The following PAPPA variants were observed in gnomAD, a reference collection of about 807,000 sequenced individuals.
PAPPA encodes the protein pappalysin-1.
In PAPPA, 60 loss-of-function variants were observed where a neutral mutation model predicts 164.0. The ratio of observed to expected loss-of-function variants is 0.37; its 90% CI spans 0.30 to 0.45. PAPPA has a LOEUF of 0.45. Among genes scored for constraint, PAPPA ranks in the 20% least tolerant of loss-of-function variants. The pLI is 1.00. For missense variants in PAPPA, 1,782 were observed against 2,087.3 expected (o/e 0.85, Z 2.85); for synonymous variants, 875 against 814.1 (o/e 1.07, Z -1.27).
At chr9:116,276,558 G>A (rs184563591) in intron 9 of PAPPA, among the ~76,000 whole-genome samples, 3 of 152,172 alleles carry the variant, frequency 2.0e-5, no homozygotes, top group Non-Finnish European at 2.9e-5. Flanking sequence ...ATCTGATACT[G>A]AGGAATCTCC....
Position 116,398,779 on chromosome 9 carries a change from T to C in PAPPA, c.*2163T>C, listed in dbSNP as rs1045413505. The C allele has an allele frequency of 2.3e-6, 1 of 438,894 alleles. No individual in the cohort carries two copies. The highest frequency in any genetic ancestry group is 4.6e-6 in the Non-Finnish European group (1 of 218,726). 27.2% of individuals were successfully genotyped at this position (438,894 alleles called of 1,614,324 possible). A position where few individuals can be genotyped will look rare whatever the true frequency, so the allele number is the denominator to read the frequency against. ...TCTATGTTTCTTCCTCACAAAACCA[T>C]ATCTCATTTATATCCAGACCATTAC... On this transcript the variant is annotated 3_prime_UTR_variant, in exon 22 of 22. Coordinates refer to ENST00000328252, the MANE Select transcript of PAPPA (RefSeq NM_002581.5).
intron 10 of PAPPA, among the ~76,000 whole-genome samples, chr9:116,317,680 A>G (rs1845804041): frequency 6.6e-6 from 1 of 152,198 alleles, no homozygotes; most frequent in Admixed American, 6.5e-5. Context: ...AGTGCTCAAC[A>G]TACTGCTCTA....
intron 9 of PAPPA, among the ~76,000 whole-genome samples, chr9:116,297,727 A>G (rs1373744566): frequency 2.6e-5 from 4 of 152,216 alleles, no homozygotes; most frequent in Non-Finnish European, 5.9e-5. Flanking sequence ...ATCCTTCAAG[A>G]TACCTTAGGG....
In PAPPA at chr9:116,226,808, G is replaced by T. The variant is rs112321182; in HGVS notation, c.2112-623G>T. On this transcript the variant is annotated intron_variant, in intron 5 of 21. Transcript: ENST00000328252. Reference sequence around the variant, plus strand: ...TGGGACTGGTCCCATTGAGGGATTGGCTAGCCCCTTGGAAAGCCGCTACAA... The same window carrying T: ...TGGGACTGGTCCCATTGAGGGATTGTCTAGCCCCTTGGAAAGCCGCTACAA... Among the ~76,000 whole-genome samples the T allele has an allele frequency of 8.5e-5, 13 of 152,326 alleles. 1 individual carries two copies. Among genetic ancestry groups the T allele is most frequent in the African/African-American group, 3.1e-4 (13 of 41,580 alleles).
At chr9:116,303,632 C>T (rs1218573441) in intron 10 of PAPPA, among the ~76,000 whole-genome samples, 4 of 152,190 alleles carry the variant, frequency 2.6e-5, no homozygotes, top group East Asian at 1.9e-4. Flanking sequence ...CTGCCTTCCC[C>T]GAGACTCAAA....
chr9:116,185,541 G>A (rs1033769105), intron 1 of PAPPA, among the ~76,000 whole-genome samples: 1 of 152,170 alleles, frequency 6.6e-6, no homozygotes, highest in African/African-American at 2.4e-5. Context: ...CTCCAGCTGA[G>A]AGTAGTCACT....
At chr9:116,383,210 A>G (rs546054164) in intron 21 of PAPPA, among the ~76,000 whole-genome samples, 3 of 152,340 alleles carry the variant, frequency 2.0e-5, no homozygotes, top group Admixed American at 6.5e-5. Context: ...CGCTGAGACC[A>G]GAGTGAGGAG....
At chr9:116,214,853 T>C in intron 4 of PAPPA, among the ~76,000 whole-genome samples, 1 of 152,150 alleles carries the variant, frequency 6.6e-6, no homozygotes, top group African/African-American at 2.4e-5. Context: ...TATGCACACA[T>C]AGATTGACCC....
At chr9:116,218,465 G>C (rs1490362721) in intron 4 of PAPPA, among the ~76,000 whole-genome samples, 1 of 152,148 alleles carries the variant, frequency 6.6e-6, no homozygotes, top group African/African-American at 2.4e-5. Flanking sequence ...GACACCTCTG[G>C]GAAGTGGTGT....
chr9:116,323,861 A>G (rs1257639125), intron 10 of PAPPA, among the ~76,000 whole-genome samples: 5 of 152,214 alleles, frequency 3.3e-5, no homozygotes, highest in African/African-American at 9.7e-5. Flanking sequence ...AGATGAATTC[A>G]TCTTACTCTG....
intron 9 of PAPPA, among the ~76,000 whole-genome samples, chr9:116,302,234 A>G (rs1023301653): frequency 2.0e-5 from 3 of 152,198 alleles, no homozygotes; most frequent in African/African-American, 7.2e-5. Context: ...TACAGTATAG[A>G]CACACAACAC....
At chr9:116,381,329 G>A (rs1288999685) in intron 20 of PAPPA, among the ~76,000 whole-genome samples, 1 of 152,212 alleles carries the variant, frequency 6.6e-6, no homozygotes, top group Non-Finnish European at 1.5e-5. Context: ...ATTATTAAGA[G>A]CCAAAGTTGT....
rs937882594 is a variant in PAPPA at position 116,175,094 on chromosome 9, C to T, written c.416-12060C>T. On this transcript the variant is annotated intron_variant, in intron 1 of 21. Coordinates refer to ENST00000328252, the MANE Select transcript of PAPPA (RefSeq NM_002581.5). ...GTTGTATTTTCCTAACTCCCTGTTA[C>T]TCCTTTCACTATTTATACATTCAAA... Among the ~76,000 whole-genome samples, 20 of 152,216 alleles carry T rather than the reference C, an allele frequency of 1.3e-4. 1 individual carries two copies. Among genetic ancestry groups the T allele is most frequent in the Non-Finnish European group, 8.8e-5 (6 of 68,038 alleles).
At position 116,218,112 on chromosome 9, in the gene PAPPA, G is replaced by A. The variant is rs150325519; in HGVS notation, c.1919-1825G>A. ...TCTGGGTTTGAGAGAGATTTACTCGGTTATTCACTATACTGTGTTTGTTAA... is the reference window on the plus strand; with the variant it reads ...TCTGGGTTTGAGAGAGATTTACTCGATTATTCACTATACTGTGTTTGTTAA... On this transcript the variant is annotated intron_variant, in intron 4 of 21. Coordinates refer to ENST00000328252, the MANE Select transcript of PAPPA (RefSeq NM_002581.5). Among the ~76,000 whole-genome samples, 86 of 152,304 alleles carry A rather than the reference G, an allele frequency of 5.6e-4. No homozygotes were observed. In the East Asian group the frequency reaches 9.1e-3, roughly 16 times the overall value.
At chr9:116,346,421 A>C (rs1198191522) in intron 14 of PAPPA, among the ~76,000 whole-genome samples, 1 of 152,100 alleles carries the variant, frequency 6.6e-6, no homozygotes, top group Non-Finnish European at 1.5e-5. Context: ...TCATGAGTTC[A>C]ATCCATCCAT....
chr9:116,328,114 G>T (rs1845943474), intron 10 of PAPPA, among the ~76,000 whole-genome samples: 1 of 152,210 alleles, frequency 6.6e-6, no homozygotes, highest in South Asian at 2.1e-4. Context: ...AGCTATGAAT[G>T]CTTCAGATGC....
chr9:116,395,731 A>G (rs1301027348), intron 21 of PAPPA, among the ~76,000 whole-genome samples: 4 of 152,170 alleles, frequency 2.6e-5, no homozygotes, highest in Non-Finnish European at 4.4e-5. Context: ...GTATGCTAAA[A>G]TCTGCTTCCC....
At chr9:116,300,852 ATT>A (rs11362350) in intron 9 of PAPPA, among the ~76,000 whole-genome samples, 29 of 151,042 alleles carry the variant, frequency 1.9e-4, no homozygotes, top group Admixed American at 5.3e-4. Context: ...AAAGAAGAGT[ATT>A]TTTTTTTTCT....
chr9:116,207,538 T>A lies in PAPPA; in HGVS notation c.1561T>A (p.Ser521Thr), dbSNP rs759589526. The part of the protein sequence containing the change: ...THLNIFFAKS[S>T]EEELAGVATW... ...TCTCAATATTTTCTTTGCAAAATCC[T>A]CAGAGGAGGAGTTGGCAGGAGTAGC... is the stretch of plus-strand genomic sequence containing the variant. Residue 521 changes from serine (S) to threonine (T), a missense_variant, in exon 3 of 22, where the codon TCA becomes ACA. This residue lies in a region of PAPPA where 1,324 missense variants were observed against 1,656.9 expected (regional missense o/e 0.80). Coordinates refer to ENST00000328252, the MANE Select transcript of PAPPA (RefSeq NM_002581.5). The A allele has an allele frequency of 6.2e-7, 1 of 1,613,662 alleles. No homozygotes were observed. Among genetic ancestry groups the A allele is most frequent in the South Asian group, 1.1e-5 (1 of 91,046 alleles).
Sources: gnomAD v4.1 joint callset for allele counts (sites outside exome capture counted in the v4.1 genomes callset) on GRCh38, gnomAD v4.1.1 for gene constraint, gnomAD v4.1.1 regional missense constraint, MANE v1.5 for transcripts, NCBI Gene and HGNC (gene_info 2026-07-23, HGNC 2026-07-21) for gene names.